MAL2: variants seen among roughly 807,000 people sequenced by gnomAD.
The protein encoded by MAL2 is protein MAL2.
In MAL2, 17 loss-of-function variants were observed where a neutral mutation model predicts 18.1. The ratio of observed to expected loss-of-function variants is 0.94; its 90% CI spans 0.64 to 1.41. MAL2 has a LOEUF of 1.41. Among genes scored for constraint, MAL2 ranks in the 40% most tolerant of loss-of-function variants. The pLI is 0.00. For synonymous variants in MAL2, 102 were observed against 102.3 expected (o/e 1.00, Z 0.02); for missense variants, 222 against 231.9 (o/e 0.96, Z 0.28).
chr8:119,235,943 A>C (rs1817879026), intron 2 of MAL2, among the ~76,000 whole-genome samples: 1 of 97,102 alleles, frequency 1.0e-5, no homozygotes, highest in Non-Finnish European at 2.0e-5. Context: ...ACACATAACA[A>C]TATTAACTTT....
At chr8:119,210,868 C>G (rs913884707) in intron 1 of MAL2, among the ~76,000 whole-genome samples, 4 of 152,118 alleles carry the variant, frequency 2.6e-5, no homozygotes, top group Non-Finnish European at 5.9e-5. Context: ...ATCTCCTTTA[C>G]TTGAATATCA....
At chr8:119,240,377 G>T in intron 3 of MAL2, 57 bp downstream of exon 3, 2 of 1,565,082 alleles carry the variant, frequency 1.3e-6, no homozygotes, top group Non-Finnish European at 8.7e-7. Context: ...CACTGTCAAG[G>T]CCTCCAAGAA....
At chr8:119,241,042 T>G (rs1354841469) in intron 3 of MAL2, among the ~76,000 whole-genome samples, 1 of 152,210 alleles carries the variant, frequency 6.6e-6, no homozygotes, top group African/African-American at 2.4e-5. Flanking sequence ...AATATAAGTA[T>G]ATGGCAAGTT....
intron 2 of MAL2, among the ~76,000 whole-genome samples, chr8:119,239,663 C>T (rs368817195): frequency 2.6e-5 from 4 of 151,500 alleles, no homozygotes; most frequent in Non-Finnish European, 5.9e-5. Context: ...AGTAAACTAT[C>T]GCAAGAACAA....
At chr8:119,241,572 G>T in intron 3 of MAL2, among the ~76,000 whole-genome samples, 1 of 152,096 alleles carries the variant, frequency 6.6e-6, no homozygotes, top group Non-Finnish European at 1.5e-5. Flanking sequence ...GTGCCTAGTG[G>T]CTATCATGTT....
intron 1 of MAL2, among the ~76,000 whole-genome samples, chr8:119,212,771 A>G (rs1817285928): frequency 6.6e-6 from 1 of 152,182 alleles, no homozygotes; most frequent in South Asian, 2.1e-4. Flanking sequence ...AAACACAGAG[A>G]CAAGAAGGAC....
At chr8:119,238,724 T>A (rs956004792) in intron 2 of MAL2, among the ~76,000 whole-genome samples, 1 of 150,550 alleles carries the variant, frequency 6.6e-6, no homozygotes, top group African/African-American at 2.5e-5. Flanking sequence ...GCTAGCCATA[T>A]GTAGAAAGCT....
intron 2 of MAL2, among the ~76,000 whole-genome samples, chr8:119,237,959 T>G (rs73314709): frequency 0.2 from 30,352 of 152,084 alleles, 3,248 homozygotes; most frequent in South Asian, 0.34. Flanking sequence ...CAGAAGGAAA[T>G]AAAAGGTATT....
chr8:119,210,852 C>A (rs1400817742), intron 1 of MAL2, among the ~76,000 whole-genome samples: 1 of 152,038 alleles, frequency 6.6e-6, no homozygotes, highest in African/African-American at 2.4e-5. Flanking sequence ...ATTTTAGGCC[C>A]CCTTTATCTC....
intron 1 of MAL2, among the ~76,000 whole-genome samples, chr8:119,217,866 A>G (rs1185429370): frequency 3.9e-5 from 6 of 152,152 alleles, no homozygotes. Context: ...AAGCTCACTA[A>G]TGCCCGGAAT....
chr8:119,217,457 G>A (rs183109257), intron 1 of MAL2, among the ~76,000 whole-genome samples: 15 of 152,296 alleles, frequency 9.8e-5, no homozygotes, highest in African/African-American at 3.6e-4. Flanking sequence ...GTATTGCCTG[G>A]AAGCAAAGGT....
intron 3 of MAL2, among the ~76,000 whole-genome samples, chr8:119,242,728 C>T (rs963029388): frequency 2.0e-4 from 29 of 148,092 alleles, no homozygotes; most frequent in South Asian, 2.1e-4. Flanking sequence ...AAACCCACAA[C>T]ATTTATCAAA....
At chr8:119,234,583 T>A (rs1424988436) in intron 2 of MAL2, among the ~76,000 whole-genome samples, 1 of 152,060 alleles carries the variant, frequency 6.6e-6, no homozygotes, top group African/African-American at 2.4e-5. Flanking sequence ...AAGAGAGCAG[T>A]GGTTCTCCCA....
At chr8:119,243,390 T>C (rs1315479565) in intron 3 of MAL2, 27 bp from the exon 4 acceptor site, 2 of 1,544,786 alleles carry the variant, frequency 1.3e-6, no homozygotes, top group African/African-American at 2.7e-5. Context: ...GTAAATCTGA[T>C]GTGAATTTTT....
rs564118826 is a variant in MAL2, at chr8:119,233,943, C to T, written c.304-6222C>T. 2.0e-5 allele frequency among the ~76,000 whole-genome samples: 3 copies of T among 152,168 alleles called. No homozygotes were observed. In the East Asian group the frequency reaches 5.8e-4, roughly 29 times the overall value. Reference sequence around the variant, plus strand: ...AAATCCTCAATAAAATACTGGCAAACCAAGGGGAGGAGCCAAGATGGCCGA... The same window carrying T: ...AAATCCTCAATAAAATACTGGCAAATCAAGGGGAGGAGCCAAGATGGCCGA... On this transcript the variant is annotated intron_variant, in intron 2 of 3. Coordinates refer to ENST00000614891, the MANE Select transcript of MAL2 (RefSeq NM_052886.3).
At position 119,243,704 on chromosome 8, in the gene MAL2, C is replaced by G. The variant is rs900015019; in HGVS notation, c.*216C>G. 7 of 382,476 alleles carry G rather than the reference C, an allele frequency of 1.8e-5. No individual in the cohort carries two copies. In the South Asian group the frequency reaches 9.1e-4, roughly 50 times the overall value. 23.7% of individuals were successfully genotyped at this position (382,476 alleles called of 1,614,324 possible). A position where few individuals can be genotyped will look rare whatever the true frequency, so the allele number is the denominator to read the frequency against. On this transcript the variant is annotated 3_prime_UTR_variant, in exon 4 of 4. Transcript: ENST00000614891. ...TGGCCTTTTATTTTACATCTCTCCCCTTTTTCCCTTTCCCCCTTTATTTTC... is the reference window on the plus strand; with the variant it reads ...TGGCCTTTTATTTTACATCTCTCCCGTTTTTCCCTTTCCCCCTTTATTTTC...
In MAL2 at chr8:119,243,660, T is replaced by G. The variant is rs906429250; in HGVS notation, c.*172T>G. ...TATTTCATGGATGGAATGTTAATTT[T>G]ATTATGATATTAAAGAAATGGCCTT... is the stretch of plus-strand genomic sequence containing the variant. On this transcript the variant is annotated 3_prime_UTR_variant, in exon 4 of 4. Transcript: ENST00000614891. The G allele has an allele frequency of 2.3e-6, 1 of 438,640 alleles. No homozygotes were observed. Among genetic ancestry groups the G allele is most frequent in the Non-Finnish European group, 4.0e-6 (1 of 252,348 alleles). The allele number at this position is 438,640 out of a possible 1,614,324, so 27.2% of individuals were successfully genotyped here.
intron 2 of MAL2, among the ~76,000 whole-genome samples, chr8:119,233,863 G>C (rs1817797006): frequency 6.6e-6 from 1 of 152,032 alleles, no homozygotes; most frequent in African/African-American, 2.4e-5. Flanking sequence ...GCCGGGAAGA[G>C]ACACAACCAA....
intron 1 of MAL2, among the ~76,000 whole-genome samples, chr8:119,220,079 G>A (rs1817438523): frequency 2.6e-5 from 4 of 152,158 alleles, no homozygotes; most frequent in Admixed American, 2.6e-4. Flanking sequence ...AAAAAGACAT[G>A]TCAGATCACA....
Sources: allele counts gnomAD v4.1 joint callset (sites outside exome capture counted in the v4.1 genomes callset), GRCh38; gene constraint gnomAD v4.1.1; transcripts MANE v1.5; gene names NCBI Gene and HGNC (gene_info 2026-07-23, HGNC 2026-07-21).